ESRRG: variants seen among roughly 807,000 people sequenced by gnomAD.
ESRRG encodes the protein estrogen-related receptor gamma.
Under a neutral mutation model 44.0 loss-of-function variants are expected in ESRRG, and 13 were observed. The ratio of observed to expected loss-of-function variants is 0.30; its 90% confidence interval spans 0.19 to 0.47. The LOEUF (loss-of-function observed/expected upper bound fraction) is 0.47, where lower values mean the gene tolerates loss of function less well. Ranked by LOEUF, ESRRG falls within the 20% of genes least tolerant of loss-of-function variation. ESRRG has a pLI of 1.00. For missense variants in ESRRG, 395 were observed against 580.6 expected (o/e 0.68, Z 3.29); for synonymous variants, 215 against 214.6 (o/e 1.00, Z -0.02).
chr1:216,629,567 T>C (rs1347617239), intron 3 of ESRRG, among the ~76,000 whole-genome samples: 7 of 152,202 alleles, frequency 4.6e-5, no homozygotes, highest in Admixed American at 3.9e-4. Context: ...GCTAACTTTT[T>C]TTCACCAGAG....
intron 3 of ESRRG, among the ~76,000 whole-genome samples, chr1:216,572,567 A>G (rs1283833803): frequency 6.7e-6 from 1 of 150,164 alleles, no homozygotes; most frequent in Non-Finnish European, 1.5e-5. Flanking sequence ...TTTTTTCCAG[A>G]AAAAAAAAAT....
chr1:216,529,241 T>C (rs576884099), intron 5 of ESRRG, among the ~76,000 whole-genome samples: 113 of 152,226 alleles, frequency 7.4e-4, no homozygotes, highest in African/African-American at 2.7e-3. Context: ...TTTGAGGAAA[T>C]GAAGCAGGAA....
At chr1:216,564,159 T>C (rs891403267) in intron 5 of ESRRG, 60 bp downstream of exon 5, 4 of 1,096,444 alleles carry the variant, frequency 3.6e-6, no homozygotes, top group Admixed American at 2.6e-5. Context: ...CAAATCTATA[T>C]ACATAACCTA....
upstream of ESRRG, among the ~76,000 whole-genome samples, chr1:216,724,691 A>T (rs190737234): frequency 1.2e-4 from 19 of 152,310 alleles, no homozygotes; most frequent in African/African-American, 4.3e-4. Flanking sequence ...TAAAAATAAA[A>T]GGAGGATATA....
At chr1:216,553,435 C>T (rs2056867381) in intron 5 of ESRRG, among the ~76,000 whole-genome samples, 1 of 152,158 alleles carries the variant, frequency 6.6e-6, no homozygotes. Context: ...TTTCAACTTG[C>T]TTAAGTGAAA....
intron 2 of ESRRG, among the ~76,000 whole-genome samples, chr1:216,858,273 T>TAA (rs761022477): frequency 1.4e-5 from 2 of 141,230 alleles, no homozygotes; most frequent in African/African-American, 2.6e-5. Context: ...CTGTCTCTAC[T>TAA]AAAAAAAAAA....
At chr1:216,553,300 G>GA (rs1252555877) in intron 5 of ESRRG, among the ~76,000 whole-genome samples, 2 of 152,140 alleles carry the variant, frequency 1.3e-5, no homozygotes, top group African/African-American at 4.8e-5. Context: ...AAGCAGGTGT[G>GA]AAGCCTCCCT....
intron 2 of ESRRG, among the ~76,000 whole-genome samples, chr1:216,886,210 T>C (rs2096516086): frequency 6.6e-6 from 1 of 152,170 alleles, no homozygotes; most frequent in South Asian, 2.1e-4. Flanking sequence ...TGCATCCACT[T>C]CATTTTACAT....
At chr1:216,507,879 A>G (rs2041626477) in intron 6 of ESRRG, among the ~76,000 whole-genome samples, 1 of 152,206 alleles carries the variant, frequency 6.6e-6, no homozygotes, top group South Asian at 2.1e-4. Flanking sequence ...AATAATTTGA[A>G]AATCTAATTC....
chr1:216,520,669 T>C (rs1203119875), intron 5 of ESRRG, among the ~76,000 whole-genome samples: 1 of 152,136 alleles, frequency 6.6e-6, no homozygotes, highest in Non-Finnish European at 1.5e-5. Context: ...CTTCTAAGGG[T>C]AACCATCCAC....
intron 1 of ESRRG, among the ~76,000 whole-genome samples, chr1:217,042,025 A>G (rs956433115): frequency 3.3e-5 from 5 of 152,160 alleles, no homozygotes; most frequent in African/African-American, 1.2e-4. Context: ...TGCTGCTGTC[A>G]TCTTTTGATG....
intron 1 of ESRRG, among the ~76,000 whole-genome samples, chr1:217,081,871 T>G (rs1026969909): frequency 6.6e-6 from 1 of 152,242 alleles, no homozygotes; most frequent in Non-Finnish European, 1.5e-5. Context: ...CAGGAAATTT[T>G]GATTAATAGC....
chr1:216,906,343 TG>T (rs1290338167), intron 2 of ESRRG, among the ~76,000 whole-genome samples: 2 of 151,970 alleles, frequency 1.3e-5, no homozygotes, highest in Admixed American at 6.6e-5. Context: ...AATATGCTCC[TG>T]AAAAAAATCT....
chr1:216,870,268 T>TC (rs2096241722), intron 2 of ESRRG, among the ~76,000 whole-genome samples: 1 of 149,028 alleles, frequency 6.7e-6, no homozygotes, highest in Non-Finnish European at 1.5e-5. Context: ...TTTTTTTTTT[T>TC]CTGGAGGATT....
At chr1:216,908,599 G>A (rs748654030) in intron 2 of ESRRG, among the ~76,000 whole-genome samples, 5 of 152,068 alleles carry the variant, frequency 3.3e-5, no homozygotes, top group Non-Finnish European at 7.4e-5. Flanking sequence ...GATTTTCAGA[G>A]GTTTTAGATT....
intron 2 of ESRRG, among the ~76,000 whole-genome samples, chr1:216,662,294 T>G (rs1320904630): frequency 6.6e-6 from 1 of 152,164 alleles, no homozygotes; most frequent in Non-Finnish European, 1.5e-5. Flanking sequence ...AGAACTGATG[T>G]CTGAGTCAAA....
intron 2 of ESRRG, among the ~76,000 whole-genome samples, chr1:216,804,640 C>T (rs1160264652): frequency 6.6e-6 from 1 of 151,820 alleles, no homozygotes; most frequent in Non-Finnish European, 1.5e-5. Flanking sequence ...CTACACCACA[C>T]ACTTTTTTTT....
intron 1 of ESRRG, among the ~76,000 whole-genome samples, chr1:217,064,056 C>A (rs2089146438): frequency 6.9e-6 from 1 of 144,540 alleles, no homozygotes; most frequent in Admixed American, 6.8e-5. Flanking sequence ...ATATACACAC[C>A]CTATATACAT....
chr1:217,120,273 T>C (rs1434048508), intron 1 of ESRRG, among the ~76,000 whole-genome samples: 4 of 151,090 alleles, frequency 2.6e-5, no homozygotes, highest in African/African-American at 9.9e-5. Flanking sequence ...TATTTTATTT[T>C]ATTTCATTTC....
Sources: gnomAD v4.1 joint callset for allele counts (sites outside exome capture counted in the v4.1 genomes callset) on GRCh38, gnomAD v4.1.1 for gene constraint, MANE v1.5 for transcripts, NCBI Gene and HGNC (gene_info 2026-07-23, HGNC 2026-07-21) for gene names.